The following ERC2 variants were observed in gnomAD, a reference collection of about 807,000 sequenced individuals.
ERC2 encodes ERC protein 2.
A neutral mutation model predicts 114.8 loss-of-function variants in ERC2; 42 were observed. That is an observed-to-expected ratio of 0.37 (90% CI 0.29 to 0.47). The LOEUF (loss-of-function observed/expected upper bound fraction) is 0.47. Among genes scored for constraint, ERC2 ranks in the 20% least tolerant of loss-of-function variants. ERC2 has a pLI of 0.99. For missense variants in ERC2, 939 were observed against 1,150.7 expected (o/e 0.82, Z 2.66); for synonymous variants, 454 against 425.5 (o/e 1.07, Z -0.82).
intron 3 of ERC2, among the ~76,000 whole-genome samples, chr3:56,229,149 A>G (rs938650659): frequency 1.3e-5 from 2 of 152,220 alleles, no homozygotes; most frequent in African/African-American, 4.8e-5. Flanking sequence ...TATTGAGGAT[A>G]CAGCAGTGAA....
chr3:55,918,134 C>A (rs2149377625), intron 13 of ERC2, among the ~76,000 whole-genome samples: 1 of 152,038 alleles, frequency 6.6e-6, no homozygotes, highest in Admixed American at 6.6e-5. Flanking sequence ...TATTTATATT[C>A]CAGGTCTGAA....
chr3:56,140,349 T>C (rs1319123730), intron 5 of ERC2, among the ~76,000 whole-genome samples: 1 of 152,234 alleles, frequency 6.6e-6, no homozygotes, highest in Non-Finnish European at 1.5e-5. Flanking sequence ...GCTTGTCTTT[T>C]AGGCTGATCA....
intron 3 of ERC2, among the ~76,000 whole-genome samples, chr3:56,195,255 C>T (rs891014853): frequency 9.9e-5 from 15 of 151,946 alleles, no homozygotes; most frequent in African/African-American, 3.6e-4. Context: ...GCATGGAGAC[C>T]CTGGACAAAG....
chr3:55,668,204 G>T (rs1427954922), intron 17 of ERC2, among the ~76,000 whole-genome samples: 1 of 152,010 alleles, frequency 6.6e-6, no homozygotes, highest in African/African-American at 2.4e-5. Flanking sequence ...GAGAGACTTT[G>T]GCATGTGGTT....
chr3:55,953,490 A>T (rs1023582712), intron 12 of ERC2, among the ~76,000 whole-genome samples: 1 of 152,218 alleles, frequency 6.6e-6, no homozygotes, highest in Non-Finnish European at 1.5e-5. Flanking sequence ...GTTTTCACAC[A>T]TATTTCTAGC....
intron 7 of ERC2, 85 bp downstream of exon 7, chr3:56,080,732 A>G: frequency 1.5e-6 from 2 of 1,343,084 alleles, no homozygotes; most frequent in Non-Finnish European, 2.0e-6. Context: ...GTAAAAGATC[A>G]CTTATTTTCC....
intron 1 of ERC2, among the ~76,000 whole-genome samples, chr3:56,467,686 C>T (rs1329973106): frequency 1.3e-5 from 2 of 152,006 alleles, no homozygotes; most frequent in Non-Finnish European, 2.9e-5. Context: ...CATCCCCTAG[C>T]CCTCCCCGAT....
At chr3:56,133,369 G>A (rs147895626) in intron 6 of ERC2, among the ~76,000 whole-genome samples, 22 of 152,190 alleles carry the variant, frequency 1.4e-4, no homozygotes, top group Admixed American at 8.5e-4. Flanking sequence ...CCCGAGAGGC[G>A]GAGGTTGCAG....
chr3:55,708,440 C>A (rs545439063), intron 15 of ERC2, among the ~76,000 whole-genome samples: 1 of 152,304 alleles, frequency 6.6e-6, no homozygotes, highest in Admixed American at 6.5e-5. Flanking sequence ...GCAGCACATG[C>A]TATACTTAGC....
chr3:55,821,568 G>T (rs1214729485), intron 14 of ERC2, among the ~76,000 whole-genome samples: 2 of 152,148 alleles, frequency 1.3e-5, no homozygotes, highest in East Asian at 1.9e-4. Context: ...CACCCTAAAG[G>T]ATGTGCAAAA....
At chr3:56,212,739 G>GAT (rs909299484) in intron 3 of ERC2, among the ~76,000 whole-genome samples, 18 of 147,900 alleles carry the variant, frequency 1.2e-4, no homozygotes, top group African/African-American at 2.5e-4. Flanking sequence ...CAGAAAATAT[G>GAT]ATATATATAT....
intron 14 of ERC2, among the ~76,000 whole-genome samples, chr3:55,749,176 C>T (rs2066503971): frequency 6.6e-6 from 1 of 152,124 alleles, no homozygotes; most frequent in Non-Finnish European, 1.5e-5. Flanking sequence ...GTAAAAGAGG[C>T]CCCCAGGCCT....
At chr3:55,915,453 C>A (rs913342811) in intron 13 of ERC2, among the ~76,000 whole-genome samples, 2 of 152,020 alleles carry the variant, frequency 1.3e-5, no homozygotes, top group Non-Finnish European at 2.9e-5. Context: ...TTATAATACA[C>A]CTTGGTTTCA....
chr3:56,397,090 G>T (rs1279646703), intron 2 of ERC2, among the ~76,000 whole-genome samples: 1 of 152,230 alleles, frequency 6.6e-6, no homozygotes, highest in African/African-American at 2.4e-5. Flanking sequence ...CAATGTTCTA[G>T]AGAGTTTCAG....
chr3:56,166,159 T>C lies in ERC2; in HGVS notation c.1149+7287A>G, dbSNP rs537770039. 2.6e-5 allele frequency among the ~76,000 whole-genome samples: 4 copies of C among 152,184 alleles called. No homozygotes were observed. The South Asian group carries it at 8.3e-4, about 32-fold the overall frequency. On this transcript the variant is annotated intron_variant, in intron 4 of 17. Transcript: ENST00000288221. ...GTACCTATGAATTATATTCATTTTC[T>C]CCTTTATCCTCTTAATATGGTGGAT...
chr3:56,202,108 T>A (rs1473328352), intron 3 of ERC2, among the ~76,000 whole-genome samples: 1 of 152,216 alleles, frequency 6.6e-6, no homozygotes, highest in African/African-American at 2.4e-5. Flanking sequence ...CACAAGGTTT[T>A]AGCTTGCTGC....
At chr3:55,785,488 C>A (rs764849439) in intron 14 of ERC2, among the ~76,000 whole-genome samples, 35 of 152,172 alleles carry the variant, frequency 2.3e-4, no homozygotes, top group Admixed American at 6.5e-4. Flanking sequence ...TTATCATGGT[C>A]CTTACTATGC....
intron 17 of ERC2, among the ~76,000 whole-genome samples, chr3:55,607,612 G>GT (rs1363301472): frequency 6.7e-4 from 28 of 42,098 alleles, no homozygotes; most frequent in Middle Eastern, 0.011. Flanking sequence ...AGAAAATAGT[G>GT]TGTTTTTTTT....
intron 10 of ERC2, among the ~76,000 whole-genome samples, chr3:56,000,108 A>G (rs2149544578): frequency 6.6e-6 from 1 of 152,182 alleles, no homozygotes; most frequent in East Asian, 1.9e-4. Context: ...TATCAAGATC[A>G]GTGGATAAAG....
Sources: allele counts gnomAD v4.1 joint callset (sites outside exome capture counted in the v4.1 genomes callset), GRCh38; gene constraint gnomAD v4.1.1; transcripts MANE v1.5; gene names NCBI Gene and HGNC (gene_info 2026-07-23, HGNC 2026-07-21).